TEX36: variants seen among roughly 807,000 people sequenced by gnomAD.
The protein encoded by TEX36 is testis expressed 36, also known as testis-expressed protein 36.
A neutral mutation model predicts 13.6 loss-of-function variants in TEX36; 12 were observed. The observed-to-expected ratio is 0.88, with a 90% CI of 0.56 to 1.43. The LOEUF is 1.43. Among genes scored for constraint, TEX36 ranks in the 40% most tolerant of loss-of-function variants. TEX36 has a pLI of 0.00. For missense variants in TEX36, 224 were observed against 228.3 expected, an observed-to-expected ratio of 0.98 and a Z score of 0.12; for synonymous variants, 93 against 83.0, an observed-to-expected ratio of 1.12 and a Z score of -0.65.
intron 3 of TEX36, among the ~76,000 whole-genome samples, chr10:125,635,896 C>G (rs978910304): frequency 2.6e-5 from 4 of 151,946 alleles, no homozygotes; most frequent in African/African-American, 7.3e-5. Context: ...TTTTTTGAGA[C>G]AAGGTCAAGC....
chr10:125,683,156 G>T lies in TEX36; in HGVS notation c.-167C>A. 1.3e-6 allele frequency: 1 copy of T among 761,706 alleles called. No homozygotes were observed. Among genetic ancestry groups the T allele is most frequent in the Non-Finnish European group, 2.2e-6 (1 of 457,162 alleles). The allele number at this position is 761,706 out of a possible 1,614,324, so 47.2% of individuals were successfully genotyped here. ...TCTCAGCCTCTTCCAGGAGGGGAAG[G>T]TGCGGGTGCCCATTGTTGTCATGGA... On this transcript the variant is annotated 5_prime_UTR_variant, in exon 1 of 4. Transcript: ENST00000368821.
chr10:125,619,948 A>G (rs990460878), downstream of TEX36, among the ~76,000 whole-genome samples: 22 of 151,968 alleles, frequency 1.4e-4, no homozygotes, highest in African/African-American at 4.6e-4. Context: ...CATTGTAAAA[A>G]TTTTTCACAT....
At chr10:125,679,692 G>A (rs1209792803) in intron 1 of TEX36, among the ~76,000 whole-genome samples, 2 of 152,138 alleles carry the variant, frequency 1.3e-5, no homozygotes, top group African/African-American at 4.8e-5. Flanking sequence ...CTTTCCCCAC[G>A]TACGGTGTTT....
At chr10:125,607,531 C>A (rs1846228991) in intron 3 of TEX36, among the ~76,000 whole-genome samples, 1 of 152,150 alleles carries the variant, frequency 6.6e-6, no homozygotes, top group South Asian at 2.1e-4. Flanking sequence ...GAGCAATGAT[C>A]CCAAGAGAAC....
At chr10:125,656,916 T>C (rs960649871) in intron 3 of TEX36, among the ~76,000 whole-genome samples, 2 of 152,116 alleles carry the variant, frequency 1.3e-5, no homozygotes, top group African/African-American at 4.8e-5. Context: ...CCAATGATGA[T>C]TCTTTCTCTG....
chr10:125,577,017 C>T, intron 3 of TEX36: 1 of 1,122,446 alleles, frequency 8.9e-7, no homozygotes, highest in Non-Finnish European at 1.3e-6. Flanking sequence ...TGAGACTTAG[C>T]CTGAGCCCTA....
intron 3 of TEX36, among the ~76,000 whole-genome samples, chr10:125,603,301 C>T (rs1329799871): frequency 6.7e-6 from 1 of 149,658 alleles, no homozygotes; most frequent in Non-Finnish European, 1.5e-5. Flanking sequence ...TGTGCCTGTG[C>T]CCCCATCCCT....
intron 1 of TEX36, chr10:125,667,921 C>G: frequency 7.8e-7 from 1 of 1,274,798 alleles, no homozygotes; most frequent in Non-Finnish European, 1.1e-6. Flanking sequence ...TCTTCTGCTC[C>G]AGGGTCAATG....
At chr10:125,607,419 C>G (rs1459850015) in intron 3 of TEX36, among the ~76,000 whole-genome samples, 1 of 152,226 alleles carries the variant, frequency 6.6e-6, no homozygotes, top group Non-Finnish European at 1.5e-5. Context: ...TTGCCCATTT[C>G]TGCCCTCCCC....
intron 3 of TEX36, among the ~76,000 whole-genome samples, chr10:125,625,913 C>T (rs567971596): frequency 1.3e-4 from 20 of 152,210 alleles, no homozygotes; most frequent in African/African-American, 4.6e-4. Context: ...TGGGTTCTGT[C>T]GGAGTTGGTA....
At chr10:125,611,846 G>A (rs146216526) in intron 3 of TEX36, among the ~76,000 whole-genome samples, 57 of 151,922 alleles carry the variant, frequency 3.8e-4, no homozygotes, top group Non-Finnish European at 7.2e-4. Context: ...ATGTTTTACT[G>A]TTAAAAGGAA....
chr10:125,626,010 G>T (rs1203389972), intron 3 of TEX36, among the ~76,000 whole-genome samples: 1 of 152,160 alleles, frequency 6.6e-6, no homozygotes, highest in South Asian at 2.1e-4. Flanking sequence ...CACCTTCAGG[G>T]ACCACGGCTG....
chr10:125,666,940 T>C lies in TEX36; in HGVS notation c.52-4963A>G. 3 of 678,590 alleles carry C rather than the reference T, an allele frequency of 4.4e-6. No homozygotes were observed. In the South Asian group the frequency reaches 5.5e-5, roughly 12 times the overall value. The allele number at this position is 678,590 out of a possible 1,614,324, so 42.0% of individuals were successfully genotyped here. On this transcript the variant is annotated intron_variant, in intron 1 of 3. Coordinates refer to ENST00000368821, the MANE Select transcript of TEX36 (RefSeq NM_001128202.3). ...GCAGCCCCAGTCTCACTGCTTGGGG[T>C]GTACTTTCCTTGACAGGCCAGGCTG... is the stretch of plus-strand genomic sequence containing the variant.
At chr10:125,682,326 G>C (rs1847409366) in intron 1 of TEX36, among the ~76,000 whole-genome samples, 1 of 152,198 alleles carries the variant, frequency 6.6e-6, no homozygotes, top group African/African-American at 2.4e-5. Context: ...AGCAAGAGTT[G>C]GGGGAGAGCG....
chr10:125,626,398 C>A (rs923831162), intron 3 of TEX36, among the ~76,000 whole-genome samples: 34 of 152,328 alleles, frequency 2.2e-4, no homozygotes, highest in African/African-American at 6.7e-4. Context: ...GTCATTAACG[C>A]TCATGTGCCT....
intron 1 of TEX36, among the ~76,000 whole-genome samples, chr10:125,679,904 C>T (rs745364074): frequency 6.6e-6 from 1 of 152,164 alleles, no homozygotes; most frequent in Non-Finnish European, 1.5e-5. Context: ...GTCGCACTCC[C>T]CAACCCCAGA....
rs534376545 is a variant in TEX36 at position 125,621,920 on chromosome 10, G to A, written c.265-275C>T. Among the ~76,000 whole-genome samples the A allele has an allele frequency of 1.3e-3, 197 of 152,260 alleles. 1 individual carries two copies. The highest frequency in any genetic ancestry group is 2.1e-3 in the Non-Finnish European group (145 of 68,010). Reference sequence around the variant, plus strand: ...TCCCTCCACCTGCTTCGTTCTAGCCGCACTGGCAGCAGATGGGATGCTGTC... The same window carrying A: ...TCCCTCCACCTGCTTCGTTCTAGCCACACTGGCAGCAGATGGGATGCTGTC... On this transcript the variant is annotated intron_variant, in intron 3 of 3. Coordinates refer to the TEX36 transcript ENST00000526819.
At chr10:125,624,012 A>G (rs1305946770) in intron 3 of TEX36, among the ~76,000 whole-genome samples, 1 of 152,028 alleles carries the variant, frequency 6.6e-6, no homozygotes. Context: ...GATGTTGATA[A>G]TTTTTCCCTC....
intron 3 of TEX36, among the ~76,000 whole-genome samples, chr10:125,603,213 C>T (rs1042619892): frequency 2.0e-5 from 3 of 152,200 alleles, no homozygotes; most frequent in Non-Finnish European, 4.4e-5. Flanking sequence ...TCTCCATGGC[C>T]CCCCGCCAGA....
Sources: allele counts gnomAD v4.1 joint callset (sites outside exome capture counted in the v4.1 genomes callset), GRCh38; gene constraint gnomAD v4.1.1; transcripts MANE v1.5; gene names NCBI Gene and HGNC (gene_info 2026-07-23, HGNC 2026-07-21).